NRN1: variants seen among roughly 807,000 people sequenced by gnomAD.
NRN1 encodes neuritin.
Under a neutral mutation model 15.0 loss-of-function variants are expected in NRN1, and 4 were observed. The observed-to-expected ratio is 0.27, with a 90% CI of 0.13 to 0.61. The LOEUF (loss-of-function observed/expected upper bound fraction) is 0.61. NRN1 is among the 20% of genes least tolerant of loss of function. The pLI is 0.87. For synonymous variants in NRN1, 85 were observed against 79.8 expected (o/e 1.07, Z -0.35); for missense variants, 134 against 181.9 (o/e 0.74, Z 1.51).
chr6:6,003,970 C>T, intron 1 of NRN1: 3 of 1,219,678 alleles, frequency 2.5e-6, no homozygotes, highest in Non-Finnish European at 3.1e-6. Flanking sequence ...ACACCTCAAT[C>T]CCCCGGCCCC....
intron 2 of NRN1, among the ~76,000 whole-genome samples, chr6:5,999,718 ACT>A: frequency 6.6e-6 from 1 of 151,020 alleles, no homozygotes; most frequent in East Asian, 2.0e-4. Flanking sequence ...ACGCCGCGGT[ACT>A]CTCGCCTTCG....
At chr6:6,003,638 A>G in intron 1 of NRN1, 2 of 1,107,438 alleles carry the variant, frequency 1.8e-6, no homozygotes, top group Non-Finnish European at 2.3e-6. Flanking sequence ...TCCAAGCCCC[A>G]AGCCCCCAAG....
intron 1 of NRN1, among the ~76,000 whole-genome samples, chr6:6,005,126 C>CT (rs926005393): frequency 5.1e-4 from 77 of 152,090 alleles, no homozygotes; most frequent in African/African-American, 1.6e-3. Flanking sequence ...CGACCACCGT[C>CT]TTTTTTTTCC....
At position 6,006,692 on chromosome 6, in the gene NRN1, T is replaced by C. The variant is rs747565505; in HGVS notation, c.55+3A>G. On this transcript the variant is annotated splice_donor_region_variant and intron_variant, in intron 1 of 2. Transcript: ENST00000244766. ...CCTCCAGCCGGGCTGAGCGGCCACT[T>C]ACCTATTTGCACCGCGAGGATCAGT... is the stretch of plus-strand genomic sequence containing the variant. The C allele has an allele frequency of 4.3e-6, 7 of 1,613,804 alleles. No individual in the cohort carries two copies. The highest frequency in any genetic ancestry group is 1.3e-5 in the African/African-American group (1 of 74,930).
At position 5,998,828 on chromosome 6, in the gene NRN1, G is replaced by C. The variant is rs1757841808; in HGVS notation, c.*148C>G. ...ACAAGAAATCAAACGAAATAAAAAA[G>C]AGAATCAGGATTTCCCACAATCCTA... On this transcript the variant is annotated 3_prime_UTR_variant, in exon 3 of 3. Transcript: ENST00000244766. The C allele has an allele frequency of 3.2e-6, 2 of 631,030 alleles. No individual in the cohort carries two copies. The highest frequency in any genetic ancestry group is 5.5e-6 in the Non-Finnish European group (2 of 366,268). 39.1% of individuals were successfully genotyped at this position (631,030 alleles called of 1,614,324 possible).
chr6:6,001,670 A>C (rs2151032392), intron 2 of NRN1, among the ~76,000 whole-genome samples: 1 of 152,310 alleles, frequency 6.6e-6, no homozygotes, highest in South Asian at 2.1e-4. Context: ...CTGTAAACTC[A>C]AAGCGACTAT....
chr6:6,003,622 C>A (rs1004465245), intron 1 of NRN1: 32 of 940,838 alleles, frequency 3.4e-5, no homozygotes, highest in African/African-American at 1.2e-4. Context: ...ACAGGCCGCA[C>A]GAAGGTCCAA....
At position 6,002,436 on chromosome 6, in the gene NRN1, C is replaced by T; in HGVS notation, c.117G>A (p.Ser39=). 5 of 1,614,224 alleles carry T rather than the reference C, an allele frequency of 3.1e-6. No individual in the cohort carries two copies. Among genetic ancestry groups the T allele is most frequent in the Non-Finnish European group, 4.2e-6 (5 of 1,180,028 alleles). ...GKCDAVFKGF[S]DCLLKLGDSM... is the part of the protein sequence containing the mutation. ...TGTCGCCCAGCTTGAGCAAACAGTC[C>T]GAAAAGCCCTTGAAGACCGCATCGC... The change falls in exon 2 of 3, where the codon TCG becomes TCA. Residue 39 remains serine, a synonymous_variant. Coordinates refer to ENST00000244766, the MANE Select transcript of NRN1 (RefSeq NM_016588.3).
At chr6:6,007,082 A>G (rs1758130744), upstream of NRN1, 1 of 322,572 alleles carries the variant, frequency 3.1e-6, no homozygotes, top group Non-Finnish European at 5.8e-6. Flanking sequence ...TTTTTAATAT[A>G]GACACCTTGG....
At chr6:6,000,406 G>C (rs1055963346) in intron 2 of NRN1, among the ~76,000 whole-genome samples, 2 of 152,194 alleles carry the variant, frequency 1.3e-5, no homozygotes, top group African/African-American at 4.8e-5. Context: ...TTTCAGAGCT[G>C]GGTCGGTCTG....
chr6:6,002,874 C>G (rs903619985), intron 1 of NRN1: 11 of 383,542 alleles, frequency 2.9e-5, no homozygotes, highest in Non-Finnish European at 5.1e-5. Flanking sequence ...TCCTTCGTCT[C>G]CCAACACTTC....
chr6:5,999,571 C>T (rs1561902227), intron 2 of NRN1, among the ~76,000 whole-genome samples: 1 of 152,256 alleles, frequency 6.6e-6, no homozygotes, highest in East Asian at 1.9e-4. Flanking sequence ...GCTAGGAAAA[C>T]AGTGCTAAGC....
intron 2 of NRN1, among the ~76,000 whole-genome samples, chr6:6,000,672 C>T (rs1485790995): frequency 1.3e-5 from 2 of 150,114 alleles, no homozygotes; most frequent in African/African-American, 4.9e-5. Context: ...GGACAGCTTT[C>T]CTGCAGACTG....
At chr6:6,001,225 C>T (rs1370922938) in intron 2 of NRN1, among the ~76,000 whole-genome samples, 1 of 152,166 alleles carries the variant, frequency 6.6e-6, no homozygotes, top group African/African-American at 2.4e-5. Context: ...TCCACCAGTC[C>T]CCTTTGCCCC....
At chr6:6,003,690 G>A (rs1458188654) in intron 1 of NRN1, 2 of 1,233,926 alleles carry the variant, frequency 1.6e-6, no homozygotes, top group African/African-American at 3.1e-5. Context: ...CGCGGGACTG[G>A]AAGGACAGGT....
At chr6:6,000,619 C>T (rs561710865) in intron 2 of NRN1, among the ~76,000 whole-genome samples, 119 of 151,124 alleles carry the variant, frequency 7.9e-4, no homozygotes, top group African/African-American at 2.7e-3. Context: ...GGTTCCTCAA[C>T]TTGTAATAAA....
intron 1 of NRN1, 64 bp downstream of exon 1, chr6:6,006,631 C>T (rs531888941): frequency 2.6e-6 from 4 of 1,530,642 alleles, no homozygotes; most frequent in East Asian, 4.5e-5. Context: ...TCCCCCTCCG[C>T]GCCTCGGGCC....
intron 2 of NRN1, 42 bp downstream of exon 2, chr6:6,002,311 G>T: frequency 2.5e-6 from 4 of 1,606,370 alleles, no homozygotes; most frequent in Non-Finnish European, 3.4e-6. Flanking sequence ...CCTCAGTAGC[G>T]CCCCCAAAAC....
chr6:6,002,973 A>C, intron 1 of NRN1: 1 of 396,550 alleles, frequency 2.5e-6, no homozygotes, highest in South Asian at 1.2e-4. Flanking sequence ...GGGGGCGAGA[A>C]CGGGGTGGGG....
Sources: allele counts gnomAD v4.1 joint callset (sites outside exome capture counted in the v4.1 genomes callset), GRCh38; gene constraint gnomAD v4.1.1; transcripts MANE v1.5; gene names NCBI Gene and HGNC (gene_info 2026-07-23, HGNC 2026-07-21).